Variants in LRRTM3 observed in about 807,000 individuals in gnomAD.
LRRTM3 encodes the protein leucine rich repeat transmembrane neuronal 3.
LRRTM3 carries 24 observed loss-of-function variants against 44.7 expected under a neutral mutation model. The observed-to-expected ratio is 0.54, with a 90% CI of 0.39 to 0.76. LRRTM3 has a LOEUF of 0.76. Among genes scored for constraint, LRRTM3 ranks in the 30% least tolerant of loss-of-function variants. The pLI is 0.00. For missense variants in LRRTM3, 587 were observed against 702.2 expected, an observed-to-expected ratio of 0.84 and a Z score of 1.85; for synonymous variants, 277 against 278.7, an observed-to-expected ratio of 0.99 and a Z score of 0.06.
chr10:66,944,117 T>C (rs1321403326), intron 2 of LRRTM3, among the ~76,000 whole-genome samples: 2 of 152,222 alleles, frequency 1.3e-5, no homozygotes, highest in East Asian at 1.9e-4. Context: ...ATGGTGTTGA[T>C]TGATAGCATT....
chr10:66,966,921 C>T (rs1431597683), intron 2 of LRRTM3, among the ~76,000 whole-genome samples: 1 of 151,998 alleles, frequency 6.6e-6, no homozygotes, highest in Non-Finnish European at 1.5e-5. Context: ...GTTTCAAATT[C>T]AACTAAATGG....
Position 66,926,534 on chromosome 10 carries a change from C to T in LRRTM3, c.-50C>T. On this transcript the variant is annotated 5_prime_UTR_variant, in exon 1 of 3. Transcript: ENST00000361320. ...TGACAGGGGCTGTCATGCAACTGGC[C>T]CCTAAGCCAAAGCAAAAGACCTAAG... is the stretch of plus-strand genomic sequence containing the variant. 1 of 1,611,698 alleles carries T rather than the reference C, an allele frequency of 6.2e-7. No homozygotes were observed. Among genetic ancestry groups the T allele is most frequent in the Non-Finnish European group, 8.5e-7 (1 of 1,178,658 alleles).
Position 66,927,106 on chromosome 10 carries a change from T to C in LRRTM3, c.190T>C (p.Leu64=), listed in dbSNP as rs1847126275. 1.2e-6 allele frequency: 2 copies of C among 1,614,210 alleles called. No homozygotes were observed. The highest frequency in any genetic ancestry group is 1.7e-6 in the Non-Finnish European group (2 of 1,180,046). Residue 64 remains leucine, a synonymous_variant, in exon 2 of 3, where the codon TTA becomes CTA. Transcript: ENST00000361320. This position sits in a 1 kb window ranked among gnomAD's most constrained non-coding sequence, Gnocchi z 4.7. ...EIPSSISAGC[L]GLSLRYNSLQ... Reference sequence around the variant, plus strand: ...ACCCTCAAGTATATCTGCTGGTTGCTTAGGTTTGTCCCTTCGCTATAACAG... The same window carrying C: ...ACCCTCAAGTATATCTGCTGGTTGCCTAGGTTTGTCCCTTCGCTATAACAG...
chr10:67,075,756 C>T (rs1310049303), intron 2 of LRRTM3, among the ~76,000 whole-genome samples: 2 of 152,138 alleles, frequency 1.3e-5, no homozygotes, highest in Non-Finnish European at 2.9e-5. Flanking sequence ...AGTTAGGAGG[C>T]CTTGGCAAAT....
intron 2 of LRRTM3, among the ~76,000 whole-genome samples, chr10:67,052,389 T>TGGCCA (rs1855165942): frequency 6.6e-6 from 1 of 151,638 alleles, no homozygotes; most frequent in Non-Finnish European, 1.5e-5. Context: ...CCTTACTGTC[T>TGGCCA]ATTCCATGGG....
intron 2 of LRRTM3, among the ~76,000 whole-genome samples, chr10:67,054,079 G>A (rs577544896): frequency 2.2e-4 from 33 of 152,110 alleles, no homozygotes; most frequent in East Asian, 9.7e-4. Context: ...AGTATTTACC[G>A]TTTCAAAAGT....
chr10:66,929,270 C>T (rs1847239342), intron 2 of LRRTM3, among the ~76,000 whole-genome samples: 1 of 152,232 alleles, frequency 6.6e-6, no homozygotes, highest in South Asian at 2.1e-4. Context: ...AGCCAGATTT[C>T]TCCACCACAC....
rs576661379 is a variant in LRRTM3, at chr10:67,065,247, T to C, written c.1537-32340T>C. 3.3e-5 allele frequency among the ~76,000 whole-genome samples: 5 copies of C among 152,308 alleles called. No homozygotes were observed. In the East Asian group the frequency reaches 7.7e-4, roughly 24 times the overall value. On this transcript the variant is annotated intron_variant, in intron 2 of 2. Transcript: ENST00000361320. Reference sequence around the variant, plus strand: ...AATCCCACGTTGACCATACACATGCTGTATGGCCTTGGGCAACTCCTTTGA... The same window carrying C: ...AATCCCACGTTGACCATACACATGCCGTATGGCCTTGGGCAACTCCTTTGA...
intron 2 of LRRTM3, chr10:67,015,146 A>C (rs540138702): frequency 1.3e-5 from 2 of 152,276 alleles, no homozygotes; most frequent in East Asian, 3.9e-4. Flanking sequence ...AGGGAAATTA[A>C]CTGATACCTC....
At chr10:67,069,143 G>C (rs1397101036) in intron 2 of LRRTM3, among the ~76,000 whole-genome samples, 1 of 151,996 alleles carries the variant, frequency 6.6e-6, no homozygotes, top group Non-Finnish European at 1.5e-5. Flanking sequence ...GAGGAAATGG[G>C]AGGTAAACTG....
intron 2 of LRRTM3, among the ~76,000 whole-genome samples, chr10:66,957,457 CAT>C (rs10532387): frequency 0.54 from 48,251 of 88,794 alleles, 11,627 homozygotes; most frequent in East Asian, 0.65. Flanking sequence ...TATATATATG[CAT>C]ATATATATAT....
At chr10:66,943,358 T>C (rs1282369821) in intron 2 of LRRTM3, among the ~76,000 whole-genome samples, 8 of 152,074 alleles carry the variant, frequency 5.3e-5, no homozygotes, top group Non-Finnish European at 8.8e-5. Context: ...CTTTAACACA[T>C]CTGAGAGAGA....
intron 2 of LRRTM3, among the ~76,000 whole-genome samples, chr10:67,095,038 T>C (rs1857895553): frequency 7.4e-6 from 1 of 134,558 alleles, no homozygotes; most frequent in African/African-American, 3.1e-5. Flanking sequence ...TACATATATG[T>C]TTATATATTA....
chr10:67,027,179 C>A (rs555491203), intron 2 of LRRTM3, among the ~76,000 whole-genome samples: 27 of 151,612 alleles, frequency 1.8e-4, no homozygotes, highest in African/African-American at 6.3e-4. Context: ...GGGAAAGGAG[C>A]GTAGGAAGTA....
intron 2 of LRRTM3, among the ~76,000 whole-genome samples, chr10:67,052,128 C>A (rs1046905257): frequency 6.6e-6 from 1 of 152,138 alleles, no homozygotes. Context: ...AAAGAAACCA[C>A]CTTACCTAGT....
At chr10:66,956,784 A>G (rs1848812792) in intron 2 of LRRTM3, among the ~76,000 whole-genome samples, 1 of 152,210 alleles carries the variant, frequency 6.6e-6, no homozygotes, top group Non-Finnish European at 1.5e-5. Context: ...ACACTCTAAG[A>G]GGAGCCAGAA....
chr10:67,090,720 T>G (rs1857580071), intron 2 of LRRTM3, among the ~76,000 whole-genome samples: 1 of 151,996 alleles, frequency 6.6e-6, no homozygotes, highest in African/African-American at 2.4e-5. Context: ...AAGAGAATAT[T>G]AGAGACGTGT....
At chr10:66,982,043 G>A (rs733552) in intron 2 of LRRTM3, among the ~76,000 whole-genome samples, 29,090 of 152,174 alleles carry the variant, frequency 0.19, 3,154 homozygotes, top group South Asian at 0.31. Flanking sequence ...TTAATGATGA[G>A]GCAAGGGGCT....
At chr10:66,958,276 A>G (rs938841180) in intron 2 of LRRTM3, among the ~76,000 whole-genome samples, 6 of 148,406 alleles carry the variant, frequency 4.0e-5, no homozygotes, top group Non-Finnish European at 7.4e-5. Flanking sequence ...TTAACAAACC[A>G]CAGGTCTTTT....
Sources: gnomAD v4.1 joint callset for allele counts (sites outside exome capture counted in the v4.1 genomes callset) on GRCh38, gnomAD v4.1.1 for gene constraint, Gnocchi (gnomAD v3.1) non-coding constraint, MANE v1.5 for transcripts, NCBI Gene and HGNC (gene_info 2026-07-23, HGNC 2026-07-21) for gene names.